Variants in CCDC148 observed in about 807,000 individuals in gnomAD.
CCDC148 encodes coiled-coil domain-containing protein 148.
A neutral mutation model predicts 85.7 loss-of-function variants in CCDC148; 89 were observed. The observed-to-expected ratio is 1.04, with a 90% confidence interval of 0.87 to 1.24. The LOEUF is 1.24. Ranked by LOEUF, CCDC148 falls within the 50% of genes most tolerant of loss-of-function variation. The probability of loss-of-function intolerance (pLI) is 0.00; values close to 1 mark genes in which losing one functional copy is unlikely to be tolerated. For missense variants in CCDC148, 692 were observed against 671.7 expected (o/e 1.03, Z -0.33); for synonymous variants, 230 against 213.9 (o/e 1.08, Z -0.66).
chr2:158,371,717 T>A (rs1473158039), intron 1 of CCDC148, among the ~76,000 whole-genome samples: 2 of 130,496 alleles, frequency 1.5e-5, no homozygotes, highest in Non-Finnish European at 3.3e-5. Context: ...GAAAATGGCA[T>A]GTATACATAT....
chr2:158,307,939 T>A (rs1236106395), intron 9 of CCDC148, among the ~76,000 whole-genome samples: 1 of 152,188 alleles, frequency 6.6e-6, no homozygotes, highest in African/African-American at 2.4e-5. Context: ...TAGGTTTTGA[T>A]CTCAGTGGTT....
chr2:158,409,778 T>G (rs377749963), intron 1 of CCDC148, among the ~76,000 whole-genome samples: 9 of 152,184 alleles, frequency 5.9e-5, no homozygotes, highest in African/African-American at 1.9e-4. Context: ...GGTTTGGCTC[T>G]GTGTCCCCAC....
intron 9 of CCDC148, among the ~76,000 whole-genome samples, chr2:158,278,717 G>T (rs1179816758): frequency 1.3e-5 from 2 of 152,254 alleles, no homozygotes; most frequent in Non-Finnish European, 2.9e-5. Context: ...CAAACAAAAA[G>T]ACAGCAGTAA....
chr2:158,276,554 TCAAAACAAAACAAAACAAAACAAAA>T (rs58603462), intron 9 of CCDC148, among the ~76,000 whole-genome samples: 2 of 149,854 alleles, frequency 1.3e-5, no homozygotes, highest in African/African-American at 2.5e-5. Flanking sequence ...AGACTCAGTC[TCAAAACAAAACAAAACAAAACAAAA>T]CAAAACAAAA....
At chr2:158,217,389 T>C (rs1686936755) in intron 11 of CCDC148, among the ~76,000 whole-genome samples, 1 of 93,792 alleles carries the variant, frequency 1.1e-5, no homozygotes, top group African/African-American at 3.5e-5. Flanking sequence ...TATATATATA[T>C]ATATACACAC....
chr2:158,331,514 C>G (rs1048518037), intron 7 of CCDC148, among the ~76,000 whole-genome samples: 1 of 152,148 alleles, frequency 6.6e-6, no homozygotes, highest in Non-Finnish European at 1.5e-5. Flanking sequence ...CTGTAGATGT[C>G]TATTATGTCC....
intron 1 of CCDC148, among the ~76,000 whole-genome samples, chr2:158,388,436 C>A (rs189017699): frequency 7.9e-5 from 12 of 152,244 alleles, no homozygotes; most frequent in African/African-American, 2.4e-4. Context: ...AGCTCTAACA[C>A]CCTTGGCAAG....
At chr2:158,225,586 A>T (rs1278952697) in intron 10 of CCDC148, among the ~76,000 whole-genome samples, 3 of 152,226 alleles carry the variant, frequency 2.0e-5, no homozygotes, top group African/African-American at 7.2e-5. Flanking sequence ...GTAAAAGAAT[A>T]GAAATTATAA....
chr2:158,327,246 C>T (rs1269515870), intron 7 of CCDC148, among the ~76,000 whole-genome samples: 1 of 152,136 alleles, frequency 6.6e-6, no homozygotes, highest in East Asian at 1.9e-4. Flanking sequence ...AAAAGATTCA[C>T]CAGTTTAGAC....
intron 9 of CCDC148, among the ~76,000 whole-genome samples, chr2:158,287,221 A>G (rs1690668327): frequency 6.6e-6 from 1 of 152,156 alleles, no homozygotes; most frequent in African/African-American, 2.4e-5. Context: ...AGATACAATT[A>G]AAGTTGAGAT....
chr2:158,246,567 A>G (rs908304401), intron 10 of CCDC148, among the ~76,000 whole-genome samples: 2 of 152,116 alleles, frequency 1.3e-5, no homozygotes, highest in African/African-American at 4.8e-5. Context: ...CTGAAGCCTA[A>G]GGACTTGAGG....
At chr2:158,355,413 G>C (rs1253271454) in intron 2 of CCDC148, among the ~76,000 whole-genome samples, 6 of 152,122 alleles carry the variant, frequency 3.9e-5, no homozygotes, top group Non-Finnish European at 7.3e-5. Flanking sequence ...ACAAAAATCA[G>C]AAGCATTCTT....
chr2:158,305,222 A>G lies in CCDC148; in HGVS notation c.1110+4211T>C, dbSNP rs915071622. On this transcript the variant is annotated intron_variant, in intron 9 of 13. Transcript: ENST00000283233. The stretch of plus-strand genomic sequence containing the variant: ...ACTGGGAGAAGGAAATGAAGAAACC[A>G]TCTTCTCCTGGGGACGGTGAAGGAA... Among the ~76,000 whole-genome samples, 8 of 152,168 alleles carry G rather than the reference A, an allele frequency of 5.3e-5. No homozygotes were observed. In the East Asian group the frequency reaches 7.7e-4, roughly 15 times the overall value.
At chr2:158,429,080 G>A (rs999982259) in intron 1 of CCDC148, among the ~76,000 whole-genome samples, 1 of 143,830 alleles carries the variant, frequency 7.0e-6, no homozygotes. Flanking sequence ...TGTGGGAATT[G>A]AACAACGAGA....
chr2:158,395,179 T>C (rs1373006393), intron 1 of CCDC148, among the ~76,000 whole-genome samples: 1 of 152,108 alleles, frequency 6.6e-6, no homozygotes, highest in African/African-American at 2.4e-5. Flanking sequence ...TTTTGTCTAG[T>C]TGAGGGGACA....
At position 158,289,300 on chromosome 2, in the gene CCDC148, G is replaced by A. The variant is rs62182656; in HGVS notation, c.1110+20133C>T. ...AATGAAAATGAGTGATACAGGATTG[G>A]AAAACATACCTGAAAAACATATAAC... On this transcript the variant is annotated intron_variant, in intron 9 of 13. Coordinates refer to ENST00000283233, the MANE Select transcript of CCDC148 (RefSeq NM_138803.4). Among the ~76,000 whole-genome samples, 99 of 152,122 alleles carry A rather than the reference G, an allele frequency of 6.5e-4. 1 individual carries two copies. The highest frequency in any genetic ancestry group is 1.4e-3 in the Admixed American group (22 of 15,270).
chr2:158,207,972 C>CAA (rs1465958887), intron 11 of CCDC148, among the ~76,000 whole-genome samples: 3 of 151,936 alleles, frequency 2.0e-5, no homozygotes, highest in Non-Finnish European at 2.9e-5. Context: ...CACACACACA[C>CAA]ACACACACAC....
chr2:158,421,423 G>C (rs933750717), intron 1 of CCDC148, among the ~76,000 whole-genome samples: 8 of 152,248 alleles, frequency 5.3e-5, no homozygotes, highest in Middle Eastern at 3.4e-3. Context: ...TAGAACTCAG[G>C]ATTCAGAAAC....
At chr2:158,306,221 G>T (rs1162026351) in intron 9 of CCDC148, among the ~76,000 whole-genome samples, 1 of 152,060 alleles carries the variant, frequency 6.6e-6, no homozygotes, top group Non-Finnish European at 1.5e-5. Flanking sequence ...ATAGAACTAT[G>T]CATTAAAAAT....
Sources: allele counts gnomAD v4.1 joint callset (sites outside exome capture counted in the v4.1 genomes callset), GRCh38; gene constraint gnomAD v4.1.1; transcripts MANE v1.5; gene names NCBI Gene and HGNC (gene_info 2026-07-23, HGNC 2026-07-21).